Variants in ZNF879 observed in about 807,000 individuals in gnomAD.
ZNF879 encodes the protein zinc finger protein 879.
ZNF879 carries 32 observed loss-of-function variants against 44.3 expected under a neutral mutation model. The ratio of observed to expected loss-of-function variants is 0.72; its 90% CI spans 0.54 to 0.97. ZNF879 has a LOEUF of 0.97. Ranked by LOEUF, ZNF879 falls within the 50% of genes least tolerant of loss-of-function variation. The pLI is 0.00. For synonymous variants in ZNF879, 234 were observed against 233.2 expected (o/e 1.00, Z -0.03); for missense variants, 621 against 669.7 (o/e 0.93, Z 0.80).
chr5:179,032,595 G>T lies in ZNF879; in HGVS notation c.647G>T (p.Ser216Ile), dbSNP rs1181142280. Residue 216 changes from serine (S) to isoleucine (I), a missense_variant, in exon 5 of 5, where the codon AGT (serine) becomes ATT (isoleucine). Transcript: ENST00000444149. ...ATCTGTGGGAAAATCTTCCTCCACA[G>T]TTCCTCCCTGAGTAAACACCAGAGA... Reference protein sequence around the residue: ...CNICGKIFLHSSSLSKHQRIH... With the variant: ...CNICGKIFLHISSLSKHQRIH... The T allele has an allele frequency of 1.3e-6, 2 of 1,558,236 alleles. No homozygotes were observed. The highest frequency in any genetic ancestry group is 2.4e-5 in the East Asian group (1 of 41,404).
intron 4 of ZNF879, among the ~76,000 whole-genome samples, chr5:179,031,070 T>A (rs1011706715): frequency 6.6e-6 from 1 of 152,220 alleles, no homozygotes; most frequent in Non-Finnish European, 1.5e-5. Flanking sequence ...CATGCCAGTG[T>A]CAGCCACCAC....
chr5:179,028,003 GC>G (rs1456654165), intron 3 of ZNF879, 28 bp from the exon 4 acceptor site: 54 of 1,543,774 alleles, frequency 3.5e-5, no homozygotes, highest in Non-Finnish European at 4.6e-5. Flanking sequence ...TACGATGGCC[GC>G]TCACGTTTCT....
rs1241943359 is a variant in ZNF879 at position 179,032,672 on chromosome 5, A to G, written c.724A>G (p.Ser242Gly). 2 of 1,566,022 alleles carry G rather than the reference A, an allele frequency of 1.3e-6. No homozygotes were observed. Among genetic ancestry groups the G allele is most frequent in the Admixed American group, 1.9e-5 (1 of 52,322 alleles). The change falls in exon 5 of 5, where the codon AGC (serine) becomes GGC (glycine). Residue 242 changes from serine to glycine, a missense_variant. By Grantham distance (56) the Ser-to-Gly change is moderately conservative. Coordinates refer to ENST00000444149, the MANE Select transcript of ZNF879 (RefSeq NM_001136116.3). The part of the protein sequence containing the change: ...YKCKECRKAF[S>G]QSSSLTQHLR... ...ATGTAAGGAATGTAGGAAAGCCTTCAGCCAAAGCTCATCCCTAACTCAGCA... is the reference window on the plus strand; with the variant it reads ...ATGTAAGGAATGTAGGAAAGCCTTCGGCCAAAGCTCATCCCTAACTCAGCA...
rs185299784 is a variant in ZNF879, at chr5:179,028,654, T to C, written c.256+527T>C. 1.8e-3 allele frequency among the ~76,000 whole-genome samples: 272 copies of C among 152,318 alleles called. 1 individual carries two copies. The highest frequency in any genetic ancestry group is 6.2e-3 in the African/African-American group (256 of 41,568). ...GTGACAAACGGTAACAGTTACGGAA[T>C]GTGAGTGGGCTTCCGGATACTCATC... On this transcript the variant is annotated intron_variant, in intron 4 of 4. Transcript: ENST00000444149.
In ZNF879 at chr5:179,032,738, G is replaced by C. The variant is rs1217392605; in HGVS notation, c.790G>C (p.Glu264Gln). 6.4e-7 allele frequency: 1 copy of C among 1,555,070 alleles called. No individual in the cohort carries two copies. Residue 264 changes from glutamate (E) to glutamine (Q), a missense_variant, in exon 5 of 5, where the codon GAA (glutamate) becomes CAA (glutamine). Coordinates refer to ENST00000444149, the MANE Select transcript of ZNF879 (RefSeq NM_001136116.3). Reference sequence around the variant, plus strand: ...AGGAGAGAAACCTTATATATGTAGTGAATGTGGAAAAGCCTTCAGTTTCAC... The same window carrying C: ...AGGAGAGAAACCTTATATATGTAGTCAATGTGGAAAAGCCTTCAGTTTCAC... Reference protein sequence around the residue: ...HTGEKPYICSECGKAFSFTTS... With the variant: ...HTGEKPYICSQCGKAFSFTTS...
chr5:179,027,569 C>T lies in ZNF879; in HGVS notation c.130C>T (p.Leu44=), dbSNP rs759331522. 1.9e-6 allele frequency: 3 copies of T among 1,613,926 alleles called. No individual in the cohort carries two copies. Among genetic ancestry groups the T allele is most frequent in the African/African-American group, 1.3e-5 (1 of 74,898 alleles). The change falls in exon 3 of 5, where the codon CTG becomes TTG. Residue 44 remains leucine (L), a synonymous_variant. Transcript: ENST00000444149. ...GAGAGCCTTGTACCGGGAGGTGATG[C>T]TGGAGAACTACAGCATCCTGGTCTC... ...AQRALYREVM[L]ENYSILVSLG...
In ZNF879 at chr5:179,028,072, G is replaced by A. The variant is rs1214592445; in HGVS notation, c.201G>A (p.Glu67=). ...AGCCAAAGGTCATCTCCCAGTTAGAGCAAGGAGAAGACCCCTGGATGGTGG... is the reference window on the plus strand; with the variant it reads ...AGCCAAAGGTCATCTCCCAGTTAGAACAAGGAGAAGACCCCTGGATGGTGG... The part of the protein sequence containing the change: ...FSKPKVISQL[E]QGEDPWMVES... The change falls in exon 4 of 5, where the codon GAG becomes GAA. Residue 67 remains glutamate (E), a synonymous_variant. Coordinates refer to ENST00000444149, the MANE Select transcript of ZNF879 (RefSeq NM_001136116.3). 2 of 1,551,468 alleles carry A rather than the reference G, an allele frequency of 1.3e-6. No individual in the cohort carries two copies. Among genetic ancestry groups the A allele is most frequent in the African/African-American group, 1.4e-5 (1 of 73,036 alleles).
Position 179,033,507 on chromosome 5 carries a change from C to T in ZNF879, c.1559C>T (p.Ala520Val). ...KPYNCKVCGK[A>V]FRQSSSLMTH... is the part of the protein sequence containing the mutation. ...TATAATTGTAAAGTGTGTGGGAAAG[C>T]CTTCAGACAGAGTTCATCCCTTATG... Residue 520 changes from alanine to valine, a missense_variant, in exon 5 of 5, where the codon GCC becomes GTC. Transcript: ENST00000444149. The T allele has an allele frequency of 6.4e-7, 1 of 1,558,846 alleles. No homozygotes were observed. Among genetic ancestry groups the T allele is most frequent in the Non-Finnish European group, 8.7e-7 (1 of 1,151,472 alleles).
chr5:179,025,587 T>C (rs1001624682), intron 2 of ZNF879, among the ~76,000 whole-genome samples: 3 of 152,206 alleles, frequency 2.0e-5, no homozygotes, highest in African/African-American at 4.8e-5. Flanking sequence ...GTTTTTGCCC[T>C]GTGGAGGACA....
chr5:179,027,858 C>G (rs1008934831), intron 3 of ZNF879, among the ~76,000 whole-genome samples, 174 bp from the exon 4 acceptor site: 28 of 152,122 alleles, frequency 1.8e-4, no homozygotes, highest in Admixed American at 5.9e-4. Context: ...AGTGCACAAC[C>G]AGAGCCCTGA....
chr5:179,032,644 TA>T lies in ZNF879; in HGVS notation c.699del (p.Lys233AsnfsTer15), dbSNP rs1229018779. The T allele has an allele frequency of 6.4e-7, 1 of 1,569,760 alleles. No homozygotes were observed. The highest frequency in any genetic ancestry group is 1.2e-5 in the South Asian group (1 of 85,450). On this transcript the variant is annotated frameshift_variant, in exon 5 of 5. Transcript: ENST00000444149. LOFTEE classifies it high-confidence loss of function. Reference sequence around the variant, plus strand: ...GAATCCACACTGGAGAGAAGCTCTATAAATGTAAGGAATGTAGGAAAGCCTT... The same window carrying T: ...GAATCCACACTGGAGAGAAGCTCTATAATGTAAGGAATGTAGGAAAGCCTT... Reference protein sequence around the residue: ...QRIHTGEKLYKCKECRKAFSQ... With the variant: ...QRIHTGEKLYXCKECRKAFSQ...
chr5:179,031,344 C>T (rs1029377130), intron 4 of ZNF879, among the ~76,000 whole-genome samples: 8 of 152,210 alleles, frequency 5.3e-5, no homozygotes, highest in African/African-American at 1.9e-4. Context: ...TTCTTGTTCA[C>T]TCTGCTTCAG....
intron 4 of ZNF879, among the ~76,000 whole-genome samples, chr5:179,031,609 G>T (rs368095171): frequency 6.6e-6 from 1 of 152,164 alleles, no homozygotes; most frequent in East Asian, 1.9e-4. Context: ...CTGTTGATTT[G>T]TTACTTGGTC....
chr5:179,025,056 T>G lies in ZNF879; in HGVS notation c.33+19T>G. On this transcript the variant is annotated intron_variant, in intron 2 of 4. Coordinates refer to ENST00000444149, the MANE Select transcript of ZNF879 (RefSeq NM_001136116.3). Reference sequence around the variant, plus strand: ...TGTACAGGTGAGTGAAGGCTTCTTTTTGCTTGAACTGCCTTCAGGGTCTAG... The same window carrying G: ...TGTACAGGTGAGTGAAGGCTTCTTTGTGCTTGAACTGCCTTCAGGGTCTAG... The G allele has an allele frequency of 6.4e-7, 1 of 1,551,416 alleles. No homozygotes were observed. Among genetic ancestry groups the G allele is most frequent in the Non-Finnish European group, 8.7e-7 (1 of 1,146,790 alleles).
intron 2 of ZNF879, among the ~76,000 whole-genome samples, chr5:179,027,050 C>T (rs923562409): frequency 1.3e-5 from 2 of 152,128 alleles, no homozygotes; most frequent in Non-Finnish European, 2.9e-5. Context: ...AGAGATGGCC[C>T]GAGTTGAGGC....
In ZNF879 at chr5:179,025,179, G is replaced by A. The variant is rs918465595; in HGVS notation, c.33+142G>A. 3 of 894,348 alleles carry A rather than the reference G, an allele frequency of 3.4e-6. No individual in the cohort carries two copies. In the African/African-American group the frequency reaches 5.1e-5, roughly 15 times the overall value. 55.4% of individuals were successfully genotyped at this position (894,348 alleles called of 1,614,324 possible). On this transcript the variant is annotated intron_variant, in intron 2 of 4. Coordinates refer to ENST00000444149, the MANE Select transcript of ZNF879 (RefSeq NM_001136116.3). ...GTAGCTGAGAAACTCTGGAAGGAAG[G>A]TGTTTCCCTTGCCTCAGAGCCTGTC...
In ZNF879 at chr5:179,033,888, G is replaced by T. The variant is rs1761510806; in HGVS notation, c.*248G>T. The T allele has an allele frequency of 2.9e-6, 1 of 346,584 alleles. No homozygotes were observed. The highest frequency in any genetic ancestry group is 5.2e-6 in the Non-Finnish European group (1 of 192,784). The allele number at this position is 346,584 out of a possible 1,614,324, so 21.5% of individuals were successfully genotyped here. ...AATGGAGAATTTTTAAGATTGCAGG[G>T]TTAGTATTTGATTGTCTAGTGATGT... On this transcript the variant is annotated 3_prime_UTR_variant, in exon 5 of 5. Coordinates refer to ENST00000444149, the MANE Select transcript of ZNF879 (RefSeq NM_001136116.3).
intron 4 of ZNF879, among the ~76,000 whole-genome samples, chr5:179,030,977 C>T (rs976493711): frequency 3.9e-5 from 6 of 152,174 alleles, no homozygotes; most frequent in African/African-American, 1.4e-4. Context: ...TGCCTCTGCG[C>T]TCTATTCGTA....
intron 1 of ZNF879, 34 bp from the exon 2 acceptor site, chr5:179,024,936 T>G: frequency 6.6e-7 from 1 of 1,518,342 alleles, no homozygotes; most frequent in Non-Finnish European, 8.9e-7. Context: ...GCAGGCTGGA[T>G]GAAAAGACCT....
Sources: gnomAD v4.1 joint callset for allele counts (sites outside exome capture counted in the v4.1 genomes callset) on GRCh38, gnomAD v4.1.1 for gene constraint, MANE v1.5 for transcripts, NCBI Gene and HGNC (gene_info 2026-07-23, HGNC 2026-07-21) for gene names.